EVI5: variants seen among roughly 807,000 people sequenced by gnomAD.
EVI5 encodes ecotropic viral integration site 5 protein homolog.
Under a neutral mutation model 112.0 loss-of-function variants are expected in EVI5, and 73 were observed. The ratio of observed to expected loss-of-function variants is 0.65; its 90% CI spans 0.54 to 0.79. EVI5 has a LOEUF of 0.79. EVI5 is among the 30% of genes least tolerant of loss of function. EVI5 has a pLI of 0.00. For missense variants in EVI5, 900 were observed against 968.8 expected (o/e 0.93, Z 0.94); for synonymous variants, 305 against 319.9 (o/e 0.95, Z 0.50).
chr1:92,627,299 A>T (rs1032692846), intron 14 of EVI5, among the ~76,000 whole-genome samples: 10 of 152,230 alleles, frequency 6.6e-5, no homozygotes, highest in African/African-American at 2.4e-4. Context: ...CACTTAGAAT[A>T]ATAGTCTCCA....
intron 18 of EVI5, among the ~76,000 whole-genome samples, chr1:92,589,733 T>G (rs942563196): frequency 6.6e-6 from 1 of 152,186 alleles, no homozygotes; most frequent in Non-Finnish European, 1.5e-5. Context: ...TCCGCAGACT[T>G]AAATGTCCCT....
intron 18 of EVI5, among the ~76,000 whole-genome samples, chr1:92,569,163 G>A (rs1460079025): frequency 6.6e-6 from 1 of 152,146 alleles, no homozygotes; most frequent in Non-Finnish European, 1.5e-5. Flanking sequence ...CTGTGTGACA[G>A]GTAATATTAT....
intron 15 of EVI5, among the ~76,000 whole-genome samples, chr1:92,625,283 G>A (rs930588486): frequency 6.6e-6 from 1 of 152,018 alleles, no homozygotes; most frequent in Non-Finnish European, 1.5e-5. Flanking sequence ...CAATGTCAAG[G>A]CCTAATTTCG....
intron 18 of EVI5, among the ~76,000 whole-genome samples, chr1:92,580,148 T>A (rs1185704581): frequency 6.6e-6 from 1 of 152,188 alleles, no homozygotes; most frequent in Non-Finnish European, 1.5e-5. Context: ...AGAATGGCAT[T>A]TAAAATTAAT....
intron 19 of EVI5, among the ~76,000 whole-genome samples, chr1:92,529,244 C>T (rs1662437846): frequency 1.3e-5 from 2 of 152,182 alleles, no homozygotes; most frequent in Admixed American, 6.5e-5. Context: ...CTTTGTCTTA[C>T]TAGACACACT....
intron 1 of EVI5, among the ~76,000 whole-genome samples, chr1:92,737,078 A>G (rs1325724233): frequency 6.6e-6 from 1 of 152,214 alleles, no homozygotes; most frequent in African/African-American, 2.4e-5. Flanking sequence ...TTAGATGATC[A>G]GGGAAATCCT....
rs578162729 is a variant in EVI5, at chr1:92,589,955, A to G, written c.2070+15352T>C. Reference sequence around the variant, plus strand: ...GATCAGGCAGCAACATTTGCTGTTCACCAATATCCGCTGTTCTGCAGCCTC... The same window carrying G: ...GATCAGGCAGCAACATTTGCTGTTCGCCAATATCCGCTGTTCTGCAGCCTC... On this transcript the variant is annotated intron_variant, in intron 18 of 19. Coordinates refer to ENST00000684568, the MANE Select transcript of EVI5 (RefSeq NM_001350197.2). Among the ~76,000 whole-genome samples, 14 of 152,280 alleles carry G rather than the reference A, an allele frequency of 9.2e-5. No individual in the cohort carries two copies. In the East Asian group the frequency reaches 2.7e-3, roughly 29 times the overall value.
intron 16 of EVI5, among the ~76,000 whole-genome samples, chr1:92,611,640 A>G (rs1651828271): frequency 6.8e-6 from 1 of 146,656 alleles, no homozygotes. Flanking sequence ...CAGGACTTGC[A>G]GTGAGCCAAG....
intron 2 of EVI5, among the ~76,000 whole-genome samples, chr1:92,730,404 G>T (rs936331836): frequency 6.6e-6 from 1 of 151,762 alleles, no homozygotes. Flanking sequence ...AATGGAAAGC[G>T]GCTGGTCACA....
chr1:92,582,194 T>A lies in EVI5; in HGVS notation c.2071-18457A>T, dbSNP rs185329796. Among the ~76,000 whole-genome samples, 11 of 152,334 alleles carry A rather than the reference T, an allele frequency of 7.2e-5. No individual in the cohort carries two copies. In the East Asian group the frequency reaches 1.9e-3, roughly 27 times the overall value. On this transcript the variant is annotated intron_variant, in intron 18 of 19. Coordinates refer to ENST00000684568, the MANE Select transcript of EVI5 (RefSeq NM_001350197.2). ...GCAACTGTAACACAGTGGTTAAGTA[T>A]TTGTGTGTCTAAATATTTAAACATA...
At position 92,512,677 on chromosome 1, in the gene EVI5, T is replaced by C. The variant is rs1285244803; in HGVS notation, c.*979A>G. ...TAGTAACCAACACATGGAAGCATCA[T>C]ATGCACATAAAAGTTAAACATTAAA... On this transcript the variant is annotated 3_prime_UTR_variant, in exon 20 of 20. Transcript: ENST00000684568. 6.6e-6 allele frequency: 1 copy of C among 152,182 alleles called. No homozygotes were observed. The highest frequency in any genetic ancestry group is 1.5e-5 in the Non-Finnish European group (1 of 68,016). The allele number at this position is 152,182 out of a possible 1,614,324, so 9.4% of individuals were successfully genotyped here. A position where few individuals can be genotyped will look rare whatever the true frequency, so the allele number is the denominator to read the frequency against.
intron 19 of EVI5, among the ~76,000 whole-genome samples, chr1:92,519,758 TG>T (rs1283416926): frequency 6.6e-6 from 1 of 151,808 alleles, no homozygotes; most frequent in Admixed American, 6.6e-5. Context: ...TAGTTGGGTG[TG>T]GTGGTGCACG....
chr1:92,581,162 A>G (rs551642978), intron 18 of EVI5, among the ~76,000 whole-genome samples: 25 of 152,332 alleles, frequency 1.6e-4, no homozygotes, highest in Admixed American at 1.3e-3. Context: ...TTTGAGATCT[A>G]TTTCCTTTGC....
chr1:92,763,551 G>A (rs1177330674), intron 1 of EVI5, among the ~76,000 whole-genome samples: 2 of 151,958 alleles, frequency 1.3e-5, no homozygotes, highest in Non-Finnish European at 2.9e-5. Context: ...GGAGTTTGAC[G>A]CTGCAATGAG....
chr1:92,748,715 AC>A (rs34561244), intron 1 of EVI5, among the ~76,000 whole-genome samples: 30,956 of 152,100 alleles, frequency 0.2, 3,685 homozygotes, highest in Non-Finnish European at 0.26. Flanking sequence ...TGAGAAAAAA[AC>A]ATCTTTTCAC....
intron 14 of EVI5, among the ~76,000 whole-genome samples, chr1:92,627,395 C>A (rs958998566): frequency 6.6e-5 from 10 of 152,102 alleles, no homozygotes; most frequent in Admixed American, 2.0e-4. Flanking sequence ...ATATATACAC[C>A]ACAGTTTCTT....
intron 18 of EVI5, among the ~76,000 whole-genome samples, chr1:92,576,653 T>C (rs1388191408): frequency 6.6e-6 from 1 of 152,218 alleles, no homozygotes; most frequent in African/African-American, 2.4e-5. Context: ...GGCTTTTGAA[T>C]GGCTGATTTT....
chr1:92,640,079 G>T (rs1255900910), intron 13 of EVI5, among the ~76,000 whole-genome samples: 2 of 152,114 alleles, frequency 1.3e-5, no homozygotes, highest in Admixed American at 1.3e-4. Flanking sequence ...ACTGAAACCG[G>T]ATCCCTTCCT....
At position 92,785,056 on chromosome 1, in the gene EVI5, CA is replaced by C; in HGVS notation, c.-303del. On this transcript the variant is annotated 5_prime_UTR_variant, in exon 1 of 20. Transcript: ENST00000684568. The stretch of plus-strand genomic sequence containing the variant: ...GTCGGAACTGCAGCCAGCCCCTTGC[CA>C]GCTGGCCAGCTGGTTCCTCCGGGGT... The C allele has an allele frequency of 1.0e-6, 1 of 985,508 alleles. No homozygotes were observed. Among genetic ancestry groups the C allele is most frequent in the Middle Eastern group, 5.2e-4 (1 of 1,916 alleles). 61.0% of individuals were successfully genotyped at this position (985,508 alleles called of 1,614,324 possible).
Sources: gnomAD v4.1 joint callset for allele counts (sites outside exome capture counted in the v4.1 genomes callset) on GRCh38, gnomAD v4.1.1 for gene constraint, MANE v1.5 for transcripts, NCBI Gene and HGNC (gene_info 2026-07-23, HGNC 2026-07-21) for gene names.